The following ZNF611 variants were observed in gnomAD, a reference collection of about 807,000 sequenced individuals.
ZNF611 encodes zinc finger protein 611.
In ZNF611, 6 loss-of-function variants were observed where a neutral mutation model predicts 8.9. That is an observed-to-expected ratio of 0.68 (90% CI 0.37 to 1.34). ZNF611 has a LOEUF of 1.34. Ranked by LOEUF, ZNF611 falls within the 40% of genes most tolerant of loss-of-function variation. The pLI is 0.02. For missense variants in ZNF611, 874 were observed against 841.3 expected (o/e 1.04, Z -0.48); for synonymous variants, 262 against 279.7 (o/e 0.94, Z 0.63).
At chr19:52,731,150 C>T (rs1010633650) in intron 1 of ZNF611, among the ~76,000 whole-genome samples, 4 of 151,668 alleles carry the variant, frequency 2.6e-5, no homozygotes, top group African/African-American at 7.3e-5. Context: ...GCAACCTCTG[C>T]CTCCCAGCTG....
chr19:52,704,620 T>C lies in ZNF611; in HGVS notation c.*317A>G, dbSNP rs1319460506. 8 of 1,583,680 alleles carry C rather than the reference T, an allele frequency of 5.1e-6. No individual in the cohort carries two copies. In the East Asian group the frequency reaches 1.8e-4, roughly 35 times the overall value. ...ATTACACTTGTAAGATCTCTCTTCA[T>C]TATGGATTCTCCAATGATTTGTAAT... On this transcript the variant is annotated 3_prime_UTR_variant, in exon 6 of 6. Coordinates refer to ENST00000652185, the MANE Select transcript of ZNF611 (RefSeq NM_001161499.2).
At chr19:52,725,805 G>A (rs2062388610) in intron 3 of ZNF611, among the ~76,000 whole-genome samples, 1 of 152,164 alleles carries the variant, frequency 6.6e-6, no homozygotes, top group Non-Finnish European at 1.5e-5. Flanking sequence ...TGGGGCCCCC[G>A]AACATGGTGG....
chr19:52,706,914 T>C (rs377549827), intron 5 of ZNF611, 50 bp from the exon 6 acceptor site: 67 of 1,566,640 alleles, frequency 4.3e-5, no homozygotes, highest in Non-Finnish European at 5.4e-5. Context: ...AGATGGTAAA[T>C]CACACTGAAG....
At chr19:52,733,950 CTG>C (rs2062441021) in intron 1 of ZNF611, among the ~76,000 whole-genome samples, 1 of 99,028 alleles carries the variant, frequency 1.0e-5, no homozygotes, top group South Asian at 2.9e-4. Flanking sequence ...TGTCCCCACT[CTG>C]TGTCTCCCCA....
intron 5 of ZNF611, among the ~76,000 whole-genome samples, chr19:52,707,729 G>A (rs146911238): frequency 0.024 from 3,622 of 151,906 alleles, 56 homozygotes; most frequent in Non-Finnish European, 0.036. Flanking sequence ...CTGCCTCCTG[G>A]GTTGAAGTGA....
At chr19:52,720,489 C>T (rs2062349246) in intron 3 of ZNF611, among the ~76,000 whole-genome samples, 1 of 151,176 alleles carries the variant, frequency 6.6e-6, no homozygotes, top group African/African-American at 2.4e-5. Context: ...GGCGGCCGGG[C>T]AGAGGCGCTC....
chr19:52,717,142 C>G (rs562566222), intron 3 of ZNF611, among the ~76,000 whole-genome samples: 1 of 152,234 alleles, frequency 6.6e-6, no homozygotes, highest in Admixed American at 6.5e-5. Flanking sequence ...TAAAGTTGTC[C>G]CACTTTCCCA....
chr19:52,717,802 G>T (rs1453463838), intron 3 of ZNF611: 16 of 545,974 alleles, frequency 2.9e-5, no homozygotes, highest in South Asian at 8.0e-5. Flanking sequence ...TAGGCTACTT[G>T]AACTAAATTT....
At chr19:52,713,878 C>T (rs1446948719) in intron 5 of ZNF611, 137 bp downstream of exon 5, 18 of 1,511,190 alleles carry the variant, frequency 1.2e-5, no homozygotes, top group Middle Eastern at 2.4e-4. Flanking sequence ...GCAATAGGAG[C>T]GAAACACCAT....
chr19:52,704,287 T>C lies in ZNF611; in HGVS notation c.*650A>G, dbSNP rs1600302784. 3.8e-6 allele frequency: 2 copies of C among 528,902 alleles called. No homozygotes were observed. Among genetic ancestry groups the C allele is most frequent in the East Asian group, 9.8e-5 (2 of 20,496 alleles). 32.8% of individuals were successfully genotyped at this position (528,902 alleles called of 1,614,324 possible). A position where few individuals can be genotyped will look rare whatever the true frequency, so the allele number is the denominator to read the frequency against. ...TCATTGGGAACGGTTATCTCAAAAA[T>C]GAATTTTCTGATGTTCTGCATGGAG... On this transcript the variant is annotated 3_prime_UTR_variant, in exon 6 of 6. Transcript: ENST00000652185.
At chr19:52,718,285 A>C (rs1187572489) in intron 3 of ZNF611, among the ~76,000 whole-genome samples, 3 of 152,140 alleles carry the variant, frequency 2.0e-5, no homozygotes. Flanking sequence ...GGTTGCAGTG[A>C]GACGAGATCA....
At chr19:52,717,590 A>T (rs1568604916) in intron 3 of ZNF611, 1 of 728,300 alleles carries the variant, frequency 1.4e-6, no homozygotes, top group Admixed American at 6.3e-5. Context: ...ACACTGAAAA[A>T]GAGGCAGCTG....
intron 3 of ZNF611, among the ~76,000 whole-genome samples, chr19:52,725,689 TGCAGACTTAATACAAG>T (rs951730806): frequency 6.6e-6 from 1 of 152,142 alleles, no homozygotes; most frequent in Non-Finnish European, 1.5e-5. Context: ...ACCTGGGAAG[TGCAGACTTAATACAAG>T]GCAGAGCAAA....
chr19:52,709,901 A>G (rs1328089610), intron 5 of ZNF611, among the ~76,000 whole-genome samples: 12 of 152,102 alleles, frequency 7.9e-5, no homozygotes, highest in Non-Finnish European at 1.8e-4. Flanking sequence ...GACAGTAAAG[A>G]GCTCATTGCC....
At chr19:52,717,260 A>G (rs1359353872) in intron 3 of ZNF611, among the ~76,000 whole-genome samples, 1 of 152,242 alleles carries the variant, frequency 6.6e-6, no homozygotes, top group African/African-American at 2.4e-5. Context: ...TTTCTAAATT[A>G]ACTCAGATCT....
At chr19:52,715,064 G>C in intron 4 of ZNF611, among the ~76,000 whole-genome samples, 1 of 152,152 alleles carries the variant, frequency 6.6e-6, no homozygotes, top group Non-Finnish European at 1.5e-5. Flanking sequence ...AGACATGCCA[G>C]ATATTATGTT....
chr19:52,712,482 A>AC (rs2062287268), intron 5 of ZNF611, among the ~76,000 whole-genome samples: 1 of 148,676 alleles, frequency 6.7e-6, no homozygotes, highest in Non-Finnish European at 1.5e-5. Context: ...AAAAAAAAAA[A>AC]AAAAACATTG....
intron 3 of ZNF611, among the ~76,000 whole-genome samples, chr19:52,728,271 G>T (rs1600334113): frequency 6.6e-6 from 1 of 151,696 alleles, no homozygotes; most frequent in South Asian, 2.1e-4. Context: ...GGGCGTGGTG[G>T]GTCACGCCTG....
chr19:52,716,097 T>C, intron 3 of ZNF611, 184 bp from the exon 4 acceptor site: 1 of 634,478 alleles, frequency 1.6e-6, no homozygotes, highest in South Asian at 2.1e-5. Context: ...TTGACCCCAG[T>C]CTTCAGATCT....
Sources: allele counts gnomAD v4.1 joint callset (sites outside exome capture counted in the v4.1 genomes callset), GRCh38; gene constraint gnomAD v4.1.1; transcripts MANE v1.5; gene names NCBI Gene and HGNC (gene_info 2026-07-23, HGNC 2026-07-21).